The following DLG2 variants were observed in gnomAD, a reference collection of about 807,000 sequenced individuals.
The protein encoded by DLG2 is disks large homolog 2.
DLG2 carries 45 observed loss-of-function variants against 132.5 expected under a neutral mutation model. That is an observed-to-expected ratio of 0.34 (90% CI 0.27 to 0.44). The LOEUF (loss-of-function observed/expected upper bound fraction) is 0.44. Ranked by LOEUF, DLG2 falls within the 20% of genes least tolerant of loss-of-function variation. The pLI, the probability that DLG2 is intolerant of heterozygous loss-of-function variation, is 1.00. For missense variants in DLG2, 1,045 were observed against 1,196.9 expected (o/e 0.87, Z 1.87); for synonymous variants, 424 against 419.6 (o/e 1.01, Z -0.13).
chr11:84,944,361 T>A (rs892541986), intron 6 of DLG2, among the ~76,000 whole-genome samples: 1 of 152,148 alleles, frequency 6.6e-6, no homozygotes, highest in African/African-American at 2.4e-5. Context: ...GACCAATAAC[T>A]CTTAGATTTG....
In DLG2 at chr11:85,379,222, G is replaced by A. The variant is rs142110392; in HGVS notation, c.41-93857C>T. On this transcript the variant is annotated intron_variant, in intron 3 of 27. Transcript: ENST00000376104. Reference sequence around the variant, plus strand: ...GACTTTTACACATAAATGTCTGCTAGTCATTGTTAGACTCCCTAGCTCTGT... The same window carrying A: ...GACTTTTACACATAAATGTCTGCTAATCATTGTTAGACTCCCTAGCTCTGT... Among the ~76,000 whole-genome samples the A allele has an allele frequency of 1.8e-3, 267 of 152,238 alleles. 1 individual carries two copies. The highest frequency in any genetic ancestry group is 6.2e-3 in the African/African-American group (259 of 41,548).
At chr11:85,211,958 A>C (rs1220783374) in intron 4 of DLG2, among the ~76,000 whole-genome samples, 1 of 152,110 alleles carries the variant, frequency 6.6e-6, no homozygotes, top group African/African-American at 2.4e-5. Context: ...TGTATAAAAT[A>C]ATGACTGATT....
intron 3 of DLG2, among the ~76,000 whole-genome samples, chr11:85,589,132 G>T (rs1281389555): frequency 1.3e-5 from 2 of 152,194 alleles, no homozygotes; most frequent in Non-Finnish European, 2.9e-5. Context: ...TAGTGTGCTG[G>T]CTTTCTCAAA....
At chr11:83,676,019 C>T (rs894196384) in intron 18 of DLG2, among the ~76,000 whole-genome samples, 23 of 152,294 alleles carry the variant, frequency 1.5e-4, no homozygotes, top group African/African-American at 5.3e-4. Context: ...CAGCATCCTT[C>T]CCCACCACCA....
intron 18 of DLG2, among the ~76,000 whole-genome samples, chr11:83,687,958 T>C (rs540760842): frequency 2.6e-5 from 4 of 151,120 alleles, no homozygotes; most frequent in African/African-American, 9.7e-5. Context: ...CAGTGAGGTA[T>C]GGTCACGTCA....
chr11:84,639,546 C>A (rs2099650839), intron 6 of DLG2, among the ~76,000 whole-genome samples: 1 of 152,118 alleles, frequency 6.6e-6, no homozygotes, highest in Non-Finnish European at 1.5e-5. Context: ...AACACTAGAC[C>A]ATTTACTTCC....
At chr11:85,165,202 T>G (rs1594987975) in intron 4 of DLG2, among the ~76,000 whole-genome samples, 1 of 152,194 alleles carries the variant, frequency 6.6e-6, no homozygotes, top group African/African-American at 2.4e-5. Context: ...TTCCAAACAT[T>G]TGTTGCCAGA....
intron 11 of DLG2, among the ~76,000 whole-genome samples, chr11:84,034,342 C>T (rs1427320753): frequency 1.3e-5 from 2 of 152,066 alleles, no homozygotes; most frequent in Admixed American, 1.3e-4. Flanking sequence ...CAATAGACTA[C>T]AGTATAGTGT....
intron 7 of DLG2, among the ~76,000 whole-genome samples, chr11:84,520,373 C>T (rs540472303): frequency 6.6e-6 from 1 of 152,228 alleles, no homozygotes; most frequent in South Asian, 2.1e-4. Context: ...AGCCTATTTA[C>T]CCCTCTCTGG....
chr11:84,217,741 G>A (rs1157786568), intron 8 of DLG2, among the ~76,000 whole-genome samples: 1 of 152,190 alleles, frequency 6.6e-6, no homozygotes, highest in African/African-American at 2.4e-5. Context: ...AATGTTCATT[G>A]TGAGTTTTTA....
At chr11:85,081,732 G>A (rs2154171969) in intron 6 of DLG2, among the ~76,000 whole-genome samples, 1 of 152,222 alleles carries the variant, frequency 6.6e-6, no homozygotes, top group African/African-American at 2.4e-5. Context: ...GTGGCTGCTG[G>A]CACCAGAATT....
At chr11:83,730,142 T>TA (rs2090738388) in intron 18 of DLG2, among the ~76,000 whole-genome samples, 1 of 144,666 alleles carries the variant, frequency 6.9e-6, no homozygotes, top group Non-Finnish European at 1.5e-5. Context: ...GGTGTTTTTT[T>TA]ATGGTTTTTT....
chr11:84,625,745 T>C (rs532464439), intron 6 of DLG2, among the ~76,000 whole-genome samples: 3 of 152,298 alleles, frequency 2.0e-5, no homozygotes, highest in East Asian at 1.9e-4. Context: ...ATTTTGACTA[T>C]TTTTTTGATT....
intron 9 of DLG2, among the ~76,000 whole-genome samples, chr11:84,163,032 G>A (rs986977203): frequency 6.6e-6 from 1 of 152,104 alleles, no homozygotes; most frequent in African/African-American, 2.4e-5. Context: ...TCCTATGGGA[G>A]TAGTTTTAAA....
At chr11:83,907,861 C>T (rs1462176694) in intron 15 of DLG2, among the ~76,000 whole-genome samples, 1 of 152,108 alleles carries the variant, frequency 6.6e-6, no homozygotes, top group Admixed American at 6.6e-5. Context: ...CTGCTTTGCA[C>T]ACACCTTCAA....
Position 84,957,381 on chromosome 11 carries a change from C to G in DLG2, c.357+154280G>C, listed in dbSNP as rs556425479. ...TATTAGCATCTATTTATAATTTAGT[C>G]CACATTATATGTGATATTTAAAGAT... is the stretch of plus-strand genomic sequence containing the variant. On this transcript the variant is annotated intron_variant, in intron 6 of 27. Transcript: ENST00000376104. Among the ~76,000 whole-genome samples the G allele has an allele frequency of 2.0e-5, 3 of 152,114 alleles. No homozygotes were observed. The South Asian group carries it at 6.2e-4, about 32-fold the overall frequency.
chr11:83,791,487 G>A, intron 17 of DLG2: 1 of 685,508 alleles, frequency 1.5e-6, no homozygotes. Flanking sequence ...ACTGGCTAGC[G>A]ATGGTTGTTG....
At chr11:84,867,181 G>C (rs571440678) in intron 6 of DLG2, among the ~76,000 whole-genome samples, 2 of 152,198 alleles carry the variant, frequency 1.3e-5, no homozygotes, top group Non-Finnish European at 2.9e-5. Flanking sequence ...AGTAGAGTGA[G>C]AGACACATAC....
chr11:83,813,031 C>T (rs929682423), intron 17 of DLG2, among the ~76,000 whole-genome samples: 6 of 152,110 alleles, frequency 3.9e-5, no homozygotes, highest in Admixed American at 3.3e-4. Context: ...GCACATTTAA[C>T]CCCCATAACA....
Sources: allele counts gnomAD v4.1 joint callset (sites outside exome capture counted in the v4.1 genomes callset), GRCh38; gene constraint gnomAD v4.1.1; transcripts MANE v1.5; gene names NCBI Gene and HGNC (gene_info 2026-07-23, HGNC 2026-07-21).